Variants in PUDP observed in about 807,000 individuals in gnomAD.
PUDP encodes pseudouridine-5'-phosphatase.
In PUDP, 8 loss-of-function variants were observed where a neutral mutation model predicts 9.4. The observed-to-expected ratio is 0.85, with a 90% CI of 0.50 to 1.53. The LOEUF (loss-of-function observed/expected upper bound fraction) is 1.53, where lower values mean the gene tolerates loss of function less well. Ranked by LOEUF, PUDP falls within the 40% of genes most tolerant of loss-of-function variation. The probability of loss-of-function intolerance (pLI) is 0.00; values close to 1 mark genes in which losing one functional copy is unlikely to be tolerated. For missense variants in PUDP, 188 were observed against 189.7 expected (o/e 0.99, Z 0.05); for synonymous variants, 99 against 80.7 (o/e 1.23, Z -1.22).
chrX:7,022,216 C>A (rs1929643006), intron 1 of PUDP, among the ~76,000 whole-genome samples: 1 of 111,432 alleles, frequency 9.0e-6, no homozygotes, highest in Non-Finnish European at 1.9e-5. Flanking sequence ...GTCCTGAGGG[C>A]AAAGGTGATG....
At chrX:7,041,705 T>C (rs1447279456) in intron 1 of PUDP, among the ~76,000 whole-genome samples, 3 of 111,844 alleles carry the variant, frequency 2.7e-5, no homozygotes, top group Admixed American at 1.9e-4. Context: ...GCTTTCCTGA[T>C]TGGAAAAACT....
chrX:6,998,989 T>C (rs901331741), intron 1 of PUDP, among the ~76,000 whole-genome samples: 7 of 111,611 alleles, frequency 6.3e-5, no homozygotes, highest in Non-Finnish European at 1.1e-4. Context: ...CTAAGCACGG[T>C]AGAGGGACAC....
intron 3 of PUDP, among the ~76,000 whole-genome samples, chrX:6,882,063 T>A (rs1224845187): frequency 9.6e-6 from 1 of 104,441 alleles, no homozygotes; most frequent in African/African-American, 3.5e-5. Context: ...AACCTCTGCC[T>A]CCTGAGTTCA....
chrX:6,720,007 C>A (rs1924642593), intron 1 of PUDP, among the ~76,000 whole-genome samples: 1 of 108,744 alleles, frequency 9.2e-6, no homozygotes, highest in South Asian at 4.0e-4. Flanking sequence ...GATATCTGCA[C>A]CCTCATGTTA....
intron 3 of PUDP, among the ~76,000 whole-genome samples, chrX:7,074,212 C>T (rs1301193496): frequency 1.8e-5 from 2 of 112,461 alleles, no homozygotes; most frequent in Non-Finnish European, 3.8e-5. Flanking sequence ...GTGTGAGCTG[C>T]CACACCCGGC....
intron 3 of PUDP, among the ~76,000 whole-genome samples, chrX:6,765,455 A>C (rs976856055): frequency 8.9e-6 from 1 of 112,378 alleles, no homozygotes; most frequent in Admixed American, 9.5e-5. Flanking sequence ...AACAGGATAA[A>C]CAAATCACGT....
chrX:6,966,057 A>G (rs868802434), intron 3 of PUDP, among the ~76,000 whole-genome samples: 4 of 111,320 alleles, frequency 3.6e-5, no homozygotes, highest in Non-Finnish European at 1.9e-5. Context: ...GTTATCTACA[A>G]CTTATGAGGA....
intron 3 of PUDP, among the ~76,000 whole-genome samples, chrX:6,940,320 G>A (rs746325731): frequency 3.5e-5 from 4 of 112,793 alleles, no homozygotes; most frequent in East Asian, 5.6e-4. Flanking sequence ...GAGAAGTGGC[G>A]ACAAGGACCA....
intron 3 of PUDP, among the ~76,000 whole-genome samples, chrX:7,060,168 G>A (rs1930359967): frequency 8.9e-6 from 1 of 111,816 alleles, no homozygotes; most frequent in Non-Finnish European, 1.9e-5. Context: ...ATGCCCTTCA[G>A]GATGGATTTA....
At chrX:6,928,462 A>G (rs1464636617) in intron 3 of PUDP, among the ~76,000 whole-genome samples, 1 of 111,561 alleles carries the variant, frequency 9.0e-6, no homozygotes, top group African/African-American at 3.3e-5. Context: ...CAGTAGGAAT[A>G]GCTTGTGAAA....
chrX:6,801,688 CTT>C (rs1437545071), intron 3 of PUDP, among the ~76,000 whole-genome samples: 2 of 112,054 alleles, frequency 1.8e-5, no homozygotes, highest in East Asian at 5.6e-4. Context: ...CAAAGGGACT[CTT>C]TTCTAAAAAG....
chrX:7,091,209 C>A, intron 2 of PUDP, among the ~76,000 whole-genome samples: 1 of 111,652 alleles, frequency 9.0e-6, no homozygotes, highest in East Asian at 2.8e-4. Context: ...GGAAAGATAC[C>A]GAGGAACAGT....
At chrX:6,816,277 T>C (rs898881714) in intron 3 of PUDP, among the ~76,000 whole-genome samples, 3 of 105,425 alleles carry the variant, frequency 2.8e-5, no homozygotes, top group Non-Finnish European at 3.9e-5. Context: ...GTATAGTATA[T>C]ATGTATATAT....
intron 3 of PUDP, among the ~76,000 whole-genome samples, chrX:6,934,209 A>C (rs1191675487): frequency 9.4e-6 from 1 of 106,931 alleles, no homozygotes; most frequent in African/African-American, 3.4e-5. Flanking sequence ...AATGAAGGAA[A>C]AAATGTTAAG....
chrX:7,055,322 G>C (rs1286481893), intron 3 of PUDP, among the ~76,000 whole-genome samples: 1 of 111,236 alleles, frequency 9.0e-6, no homozygotes, highest in Admixed American at 9.5e-5. Flanking sequence ...CAAGATCTTA[G>C]CTCACTGCAA....
chrX:6,778,379 C>T (rs1017843420), intron 3 of PUDP, among the ~76,000 whole-genome samples: 1 of 112,503 alleles, frequency 8.9e-6, no homozygotes, highest in African/African-American at 3.2e-5. Flanking sequence ...ACCAGGATGA[C>T]GAGGCATGCA....
At position 7,133,679 on chromosome X, in the gene PUDP, G is replaced by A. The variant is rs1932676319; in HGVS notation, c.61+14374C>T. 3.6e-5 allele frequency among the ~76,000 whole-genome samples: 4 copies of A among 111,763 alleles called. No individual in the cohort carries two copies. The Admixed American group carries it at 3.8e-4, about 11-fold the overall frequency. On this transcript the variant is annotated intron_variant, in intron 1 of 3. Transcript: ENST00000381077. ...AGCAAGACACTTGGCTGAGAAGAGA[G>A]GCAGAAAGACAGACAAGCCAGTTTC...
intron 3 of PUDP, among the ~76,000 whole-genome samples, chrX:7,071,027 C>T (rs1018981146): frequency 1.9e-4 from 21 of 111,811 alleles, no homozygotes; most frequent in African/African-American, 5.9e-4. Flanking sequence ...ATGCAATGTA[C>T]GATAAGGATA....
intron 3 of PUDP, among the ~76,000 whole-genome samples, chrX:6,846,409 CAAAA>C (rs55712277): frequency 4.7e-5 from 3 of 63,423 alleles, no homozygotes; most frequent in Non-Finnish European, 3.0e-5. Flanking sequence ...GACTCCCTCT[CAAAA>C]AAAAAAAAAA....
Sources: allele counts gnomAD v4.1 joint callset (sites outside exome capture counted in the v4.1 genomes callset), GRCh38; gene constraint gnomAD v4.1.1; transcripts MANE v1.5; gene names NCBI Gene and HGNC (gene_info 2026-07-23, HGNC 2026-07-21).